The following CRPPA variants were observed in gnomAD, a reference collection of about 807,000 sequenced individuals.
CRPPA encodes the protein D-ribitol-5-phosphate cytidylyltransferase.
CRPPA carries 43 observed loss-of-function variants against 52.0 expected under a neutral mutation model. That is an observed-to-expected ratio of 0.83 (90% CI 0.65 to 1.07). CRPPA has a LOEUF of 1.07. Among genes scored for constraint, CRPPA ranks in the 50% least tolerant of loss-of-function variants. The probability of loss-of-function intolerance (pLI) is 0.00; values close to 1 mark genes in which losing one functional copy is unlikely to be tolerated. For missense variants in CRPPA, 629 were observed against 551.7 expected (o/e 1.14, Z -1.40); for synonymous variants, 250 against 203.5 (o/e 1.23, Z -1.94).
intron 9 of CRPPA, among the ~76,000 whole-genome samples, chr7:16,131,643 C>T (rs76357720): frequency 1.3e-5 from 2 of 152,232 alleles, no homozygotes; most frequent in African/African-American, 4.8e-5. Context: ...AGTGCAGTAG[C>T]ACAATCTTGG....
chr7:16,089,877 T>C lies in CRPPA; in HGVS notation c.*1818A>G, dbSNP rs1249475283. On this transcript the variant is annotated 3_prime_UTR_variant, in exon 10 of 10. Transcript: ENST00000407010. The stretch of plus-strand genomic sequence containing the variant: ...GGGTGATTTTGCTGTGCCACAAATA[T>C]GCCCAGTTTACTGCATTCTTCTTCA... The C allele has an allele frequency of 6.1e-6, 1 of 162,808 alleles. No individual in the cohort carries two copies. The highest frequency in any genetic ancestry group is 1.4e-5 in the Non-Finnish European group (1 of 73,272). The allele number at this position is 162,808 out of a possible 1,614,324, so 10.1% of individuals were successfully genotyped here.
In CRPPA at chr7:16,338,423, T is replaced by C. The variant is rs896084889; in HGVS notation, c.685-29796A>G. Among the ~76,000 whole-genome samples the C allele has an allele frequency of 2.0e-5, 3 of 152,168 alleles. No individual in the cohort carries two copies. In the South Asian group the frequency reaches 6.2e-4, roughly 32 times the overall value. ...TATATATTACAAGCCAATGGCTAAC[T>C]AACATCATTCTCAATGGCAAAGAGT... On this transcript the variant is annotated intron_variant, in intron 3 of 9. Transcript: ENST00000407010.
chr7:16,186,755 T>C (rs1470238595), intron 9 of CRPPA, among the ~76,000 whole-genome samples: 1 of 152,120 alleles, frequency 6.6e-6, no homozygotes, highest in Non-Finnish European at 1.5e-5. Context: ...AGCTCAAAAA[T>C]AGAATTTGTT....
intron 3 of CRPPA, among the ~76,000 whole-genome samples, chr7:16,365,978 G>C (rs1465586296): frequency 6.6e-6 from 1 of 152,142 alleles, no homozygotes; most frequent in Non-Finnish European, 1.5e-5. Context: ...ACTCCACTTA[G>C]ACTGCTAAAA....
At chr7:16,278,753 C>T (rs199518224) in intron 5 of CRPPA, among the ~76,000 whole-genome samples, 2 of 152,120 alleles carry the variant, frequency 1.3e-5, no homozygotes, top group East Asian at 1.9e-4. Flanking sequence ...CAAGTAAAAA[C>T]AACTGAAAGA....
intron 2 of CRPPA, among the ~76,000 whole-genome samples, chr7:16,382,744 A>G (rs1334573074): frequency 1.3e-5 from 2 of 151,624 alleles, no homozygotes; most frequent in African/African-American, 2.4e-5. Context: ...CATTCATTTC[A>G]TCTTCCATCG....
chr7:16,396,415 AC>A (rs773185246), intron 2 of CRPPA, among the ~76,000 whole-genome samples: 13 of 152,216 alleles, frequency 8.5e-5, no homozygotes, highest in African/African-American at 1.2e-4. Flanking sequence ...CCTAAAAAAA[AC>A]AGTAGATGTT....
rs868711785 is a variant in CRPPA at position 16,387,064 on chromosome 7, T to C, written c.535-10823A>G. Among the ~76,000 whole-genome samples the C allele has an allele frequency of 1.2e-4, 9 of 73,972 alleles. 1 individual carries two copies. The highest frequency in any genetic ancestry group is 3.0e-4 in the African/African-American group (5 of 16,924). The allele number at this position is 73,972 out of a possible 152,430, so 48.5% of individuals were successfully genotyped here. A position where few individuals can be genotyped will look rare whatever the true frequency, so the allele number is the denominator to read the frequency against. On this transcript the variant is annotated intron_variant, in intron 2 of 9. Transcript: ENST00000407010. ...AAAAAGATATATATATATATATATA[T>C]ATATATATATATATATATATATACA...
At chr7:16,174,452 T>C (rs1562539451) in intron 9 of CRPPA, among the ~76,000 whole-genome samples, 1 of 152,158 alleles carries the variant, frequency 6.6e-6, no homozygotes, top group Non-Finnish European at 1.5e-5. Context: ...TAAAACTCGT[T>C]AGAGAAATAA....
chr7:16,203,059 A>G (rs1045437624), intron 9 of CRPPA, among the ~76,000 whole-genome samples: 16 of 152,334 alleles, frequency 1.1e-4, no homozygotes, highest in Admixed American at 7.2e-4. Flanking sequence ...CTAGGTTGGT[A>G]ATATTTTAAG....
chr7:16,172,662 ACT>A (rs764232601), intron 9 of CRPPA, among the ~76,000 whole-genome samples: 1 of 152,026 alleles, frequency 6.6e-6, no homozygotes, highest in Non-Finnish European at 1.5e-5. Context: ...CTGTGAAACT[ACT>A]CTCTCTCCTA....
intron 5 of CRPPA, among the ~76,000 whole-genome samples, chr7:16,299,971 G>A (rs1402771174): frequency 2.6e-5 from 4 of 152,134 alleles, no homozygotes; most frequent in African/African-American, 9.7e-5. Flanking sequence ...GCTCTGTGAA[G>A]AAACCAAACT....
rs142172620 is a variant in CRPPA, at chr7:16,089,620, T to C, written c.*2075A>G. ...ACATATATATGGGTATACATACATG[T>C]ATATGTATGTATGTATTTTTTTTTC... On this transcript the variant is annotated 3_prime_UTR_variant, in exon 10 of 10. Transcript: ENST00000407010. 1.9e-3 allele frequency: 393 copies of C among 209,490 alleles called. 3 individuals carry two copies. The highest frequency in any genetic ancestry group is 8.4e-3 in the African/African-American group (374 of 44,550). The allele number at this position is 209,490 out of a possible 1,614,324, so 13.0% of individuals were successfully genotyped here.
intron 8 of CRPPA, among the ~76,000 whole-genome samples, chr7:16,224,166 T>A (rs1782591593): frequency 6.6e-6 from 1 of 152,164 alleles, no homozygotes; most frequent in African/African-American, 2.4e-5. Flanking sequence ...TGGAAAAGGC[T>A]CCTCTGTGCA....
At chr7:16,255,467 A>G (rs1783612753) in intron 8 of CRPPA, among the ~76,000 whole-genome samples, 1 of 152,340 alleles carries the variant, frequency 6.6e-6, no homozygotes, top group African/African-American at 2.4e-5. Flanking sequence ...GAACCAAAAA[A>G]GAGCCTGCAT....
At chr7:16,382,360 C>T (rs1213493011) in intron 2 of CRPPA, among the ~76,000 whole-genome samples, 1 of 152,216 alleles carries the variant, frequency 6.6e-6, no homozygotes, top group Non-Finnish European at 1.5e-5. Flanking sequence ...CTGAGAGATC[C>T]ACTGTTAGTC....
chr7:16,322,509 A>G (rs1374426425), intron 3 of CRPPA, among the ~76,000 whole-genome samples: 1 of 152,202 alleles, frequency 6.6e-6, no homozygotes, highest in African/African-American at 2.4e-5. Context: ...GCCAAAAACA[A>G]TTCTCAAAAT....
intron 9 of CRPPA, among the ~76,000 whole-genome samples, chr7:16,185,120 A>C (rs1033909656): frequency 6.6e-6 from 1 of 152,230 alleles, no homozygotes; most frequent in Non-Finnish European, 1.5e-5. Flanking sequence ...TGGGAAATTT[A>C]CAAAAGAAAG....
chr7:16,186,707 T>G (rs1386696234), intron 9 of CRPPA, among the ~76,000 whole-genome samples: 4 of 152,146 alleles, frequency 2.6e-5, no homozygotes, highest in African/African-American at 9.7e-5. Context: ...ACTACACAAT[T>G]TATATGTTTT....
Sources: allele counts gnomAD v4.1 joint callset (sites outside exome capture counted in the v4.1 genomes callset), GRCh38; gene constraint gnomAD v4.1.1; transcripts MANE v1.5; gene names NCBI Gene and HGNC (gene_info 2026-07-23, HGNC 2026-07-21).